The following THRB variants were observed in gnomAD, a reference collection of about 807,000 sequenced individuals.
THRB encodes thyroid hormone receptor beta, also known as nuclear receptor subfamily 1 group A member 2.
Under a neutral mutation model 47.8 loss-of-function variants are expected in THRB, and 12 were observed. The observed-to-expected ratio is 0.25, with a 90% CI of 0.16 to 0.41. THRB has a LOEUF of 0.41. Among genes scored for constraint, THRB ranks in the 10% least tolerant of loss-of-function variants. THRB has a pLI of 1.00. For missense variants in THRB, 348 were observed against 589.2 expected, an observed-to-expected ratio of 0.59 and a Z score of 4.24; for synonymous variants, 218 against 212.2, an observed-to-expected ratio of 1.03 and a Z score of -0.24.
At chr3:24,477,126 A>AT (rs1311896988) in intron 1 of THRB, among the ~76,000 whole-genome samples, 3 of 147,086 alleles carry the variant, frequency 2.0e-5, no homozygotes, top group South Asian at 4.2e-4. Context: ...GTGGTTTCAC[A>AT]TTTTTTGGAT....
intron 7 of THRB, chr3:24,143,914 C>T: frequency 3.3e-6 from 2 of 604,264 alleles, no homozygotes; most frequent in South Asian, 3.9e-5. Flanking sequence ...GAGCCAAACT[C>T]CCCATGACCG....
rs984837391 is a variant in THRB at position 24,469,526 on chromosome 3, A to G, written c.-261+25126T>C. Among the ~76,000 whole-genome samples, 17 of 152,316 alleles carry G rather than the reference A, an allele frequency of 1.1e-4. No homozygotes were observed. The South Asian group carries it at 1.5e-3, about 13-fold the overall frequency. The stretch of plus-strand genomic sequence containing the variant: ...GTCTTCCTATGTCTCAGATGTTCTC[A>G]TTACTTGAAATATGTAAATCAGGGG... On this transcript the variant is annotated intron_variant, in intron 1 of 10. Transcript: ENST00000646209.
At chr3:24,135,751 C>T (rs1345507672) in intron 8 of THRB, among the ~76,000 whole-genome samples, 1 of 149,130 alleles carries the variant, frequency 6.7e-6, no homozygotes, top group Admixed American at 6.7e-5. Context: ...ACCTTGTCTA[C>T]TTGACAAGTC....
Position 24,218,362 on chromosome 3 carries a change from T to TTAA in THRB, c.22+10575_22+10576insTTA, listed in dbSNP as rs1553649054. ...TCTCTCTTTTTTTTTTTTTTTTTTT[T>TTAA]AAAAAGAAAAGTCCTTAGCTGTACG... On this transcript the variant is annotated intron_variant, in intron 4 of 10. Transcript: ENST00000646209. 5.3e-3 allele frequency among the ~76,000 whole-genome samples: 683 copies of TTAA among 128,332 alleles called. 7 individuals carry two copies. The highest frequency in any genetic ancestry group is 0.021 in the African/African-American group (611 of 29,036). 84.2% of individuals were successfully genotyped at this position (128,332 alleles called of 152,430 possible).
chr3:24,196,654 G>A (rs763467586), intron 4 of THRB, among the ~76,000 whole-genome samples: 10 of 152,146 alleles, frequency 6.6e-5, no homozygotes, highest in Non-Finnish European at 1.3e-4. Flanking sequence ...CTAAGAACCT[G>A]GGATGAGTCA....
chr3:24,129,546 G>A (rs2033482899), intron 9 of THRB, among the ~76,000 whole-genome samples: 1 of 152,202 alleles, frequency 6.6e-6, no homozygotes, highest in African/African-American at 2.4e-5. Flanking sequence ...AATAAAAGCT[G>A]AATAAGTATT....
At chr3:24,259,284 G>A (rs9868907) in intron 3 of THRB, among the ~76,000 whole-genome samples, 10,174 of 152,070 alleles carry the variant, frequency 0.067, 792 homozygotes, top group African/African-American at 0.19. Flanking sequence ...AGTAGGTGGC[G>A]GCATTTTTCT....
At chr3:24,439,485 G>A (rs35194357) in intron 1 of THRB, among the ~76,000 whole-genome samples, 42,374 of 152,086 alleles carry the variant, frequency 0.28, 6,293 homozygotes, top group Admixed American at 0.34. Context: ...ATATCCATAT[G>A]TTTCTATATT....
chr3:24,362,964 A>G (rs2064184270), intron 1 of THRB, among the ~76,000 whole-genome samples: 2 of 152,186 alleles, frequency 1.3e-5, no homozygotes, highest in Admixed American at 1.3e-4. Context: ...TATTGGGTGC[A>G]GCTGGGACTA....
At chr3:24,247,687 G>A (rs1382119823) in intron 3 of THRB, among the ~76,000 whole-genome samples, 1 of 152,136 alleles carries the variant, frequency 6.6e-6, no homozygotes, top group East Asian at 1.9e-4. Flanking sequence ...AGGCTCAGAT[G>A]TTAAATGTCT....
intron 1 of THRB, among the ~76,000 whole-genome samples, chr3:24,477,538 T>C (rs1479315067): frequency 1.3e-5 from 2 of 152,104 alleles, no homozygotes; most frequent in East Asian, 3.9e-4. Flanking sequence ...GTGATGTGTA[T>C]ACTGCTGGTC....
chr3:24,194,181 AGGTGGTG>A (rs1427193151), intron 4 of THRB, among the ~76,000 whole-genome samples: 3 of 152,236 alleles, frequency 2.0e-5, no homozygotes, highest in Non-Finnish European at 4.4e-5. Flanking sequence ...TACACTGCTC[AGGTGGTG>A]GGTGCACCAA....
intron 2 of THRB, among the ~76,000 whole-genome samples, chr3:24,332,957 T>C (rs1576914224): frequency 6.6e-6 from 1 of 152,070 alleles, no homozygotes; most frequent in South Asian, 2.1e-4. Flanking sequence ...TGGTGGCGGG[T>C]GCCTATAGTC....
chr3:24,233,555 A>AAGAAAGAAAGAAAG, intron 3 of THRB, among the ~76,000 whole-genome samples: 1 of 19,624 alleles, frequency 5.1e-5, no homozygotes, highest in Non-Finnish European at 1.5e-4. Context: ...GAAAGAAAGA[A>AAGAAAGAAAGAAAG]AAAGGAAGAA....
intron 1 of THRB, among the ~76,000 whole-genome samples, chr3:24,479,876 G>A (rs767221433): frequency 5.3e-5 from 8 of 152,128 alleles, no homozygotes; most frequent in Admixed American, 1.3e-4. Flanking sequence ...ATTACTCTTG[G>A]CTGCCCAAGT....
intron 1 of THRB, among the ~76,000 whole-genome samples, chr3:24,442,784 ATT>A (rs2071663003): frequency 6.6e-6 from 1 of 150,616 alleles, no homozygotes; most frequent in Admixed American, 6.6e-5. Flanking sequence ...AGATCGTGCC[ATT>A]GTACTCCAGC....
chr3:24,383,476 G>A (rs958332837), intron 1 of THRB, among the ~76,000 whole-genome samples: 8 of 152,028 alleles, frequency 5.3e-5, no homozygotes, highest in African/African-American at 1.4e-4. Context: ...TTAATAGTAG[G>A]TACACTGAAT....
chr3:24,435,522 T>G (rs534235598), intron 1 of THRB, among the ~76,000 whole-genome samples: 1 of 152,116 alleles, frequency 6.6e-6, no homozygotes, highest in Admixed American at 6.6e-5. Context: ...AGCATCCCCA[T>G]GTGGAGGTGA....
At chr3:24,205,089 A>G (rs575734441) in intron 4 of THRB, among the ~76,000 whole-genome samples, 1 of 152,342 alleles carries the variant, frequency 6.6e-6, no homozygotes, top group South Asian at 2.1e-4. Flanking sequence ...GCAGCATATT[A>G]TCCAGGAGAA....
Sources: allele counts gnomAD v4.1 joint callset (sites outside exome capture counted in the v4.1 genomes callset), GRCh38; gene constraint gnomAD v4.1.1; transcripts MANE v1.5; gene names NCBI Gene and HGNC (gene_info 2026-07-23, HGNC 2026-07-21).